The following DACT2 variants were observed in gnomAD, a reference collection of about 807,000 sequenced individuals.
The protein encoded by DACT2 is dapper homolog 2.
DACT2 carries 20 observed loss-of-function variants against 22.2 expected under a neutral mutation model. The ratio of observed to expected loss-of-function variants is 0.90; its 90% CI spans 0.63 to 1.31. The LOEUF (loss-of-function observed/expected upper bound fraction) is 1.31, where lower values mean the gene tolerates loss of function less well. Ranked by LOEUF, DACT2 falls within the 50% of genes most tolerant of loss-of-function variation. The pLI, the probability that DACT2 is intolerant of heterozygous loss-of-function variation, is 0.00. For synonymous variants in DACT2, 463 were observed against 479.8 expected (o/e 0.96, Z 0.46); for missense variants, 1,048 against 1,061.4 (o/e 0.99, Z 0.18).
Position 168,308,554 on chromosome 6 carries a change from G to GGCA in DACT2, c.1202_1203insTGC (p.Gly401_Gly402insAla). The GGCA allele has an allele frequency of 6.5e-7, 1 of 1,549,318 alleles. No homozygotes were observed. ...GCATGTATCCCTGCTGCTGGGGCCC[G>GGCA]CCCCTGCCGGCACCCCTGCTCTGAG... On this transcript the variant is annotated inframe_insertion, in exon 4 of 4. Coordinates refer to ENST00000366795, the MANE Select transcript of DACT2 (RefSeq NM_214462.5).
chr6:168,307,493 G>A lies in DACT2; in HGVS notation c.2264C>T (p.Ala755Val). ...PKLCRIKASK[A>V]LKKKIRRFQP... is the part of the protein sequence containing the mutation. ...GAACCTGCGGATCTTCTTCTTCAGGGCCTTGGAGGCCTTAATACGGCACAG... is the reference window on the plus strand; with the variant it reads ...GAACCTGCGGATCTTCTTCTTCAGGACCTTGGAGGCCTTAATACGGCACAG... The change falls in exon 4 of 4, where the codon GCC becomes GTC. Residue 755 changes from alanine to valine, a missense_variant. Physicochemically the swap from Ala to Val is moderately conservative, Grantham distance 64. Coordinates refer to ENST00000366795, the MANE Select transcript of DACT2 (RefSeq NM_214462.5). The surrounding 1 kb of genome is among the most constrained non-coding windows in gnomAD (Gnocchi z 5.3). The A allele has an allele frequency of 6.4e-7, 1 of 1,551,636 alleles. No individual in the cohort carries two copies.
rs371695165 is a variant in DACT2, at chr6:168,308,020, C to T, written c.1737G>A (p.Pro579=). 1.2e-5 allele frequency: 18 copies of T among 1,549,894 alleles called. No individual in the cohort carries two copies. The highest frequency in any genetic ancestry group is 7.9e-5 in the Admixed American group (4 of 50,880). Residue 579 remains proline (P), a synonymous_variant, in exon 4 of 4, where the codon CCG becomes CCA. Coordinates refer to ENST00000366795, the MANE Select transcript of DACT2 (RefSeq NM_214462.5). ...GGGCTGAGGTCCGGTGGCTCTCCTG[C>T]GGGGCCACTGCCAAGGGGACGAGGA... The part of the protein sequence containing the change: ...MPVLVPLAVA[P]QESHRTSAQA...
rs920985043 is a variant in DACT2 at position 168,319,457 on chromosome 6, G to T, written c.177C>A (p.Cys59Ter). 8.3e-7 allele frequency: 1 copy of T among 1,204,938 alleles called. No homozygotes were observed. Among genetic ancestry groups the T allele is most frequent in the Non-Finnish European group, 1.0e-6 (1 of 971,694 alleles). 74.6% of individuals were successfully genotyped at this position (1,204,938 alleles called of 1,614,324 possible). Reference protein sequence around the residue: ...LQPPPAPAAPCGPHGLHGPEQ... With the variant: ...LQPPPAPAAP ...CGGGGCCGTGGAGGCCGTGGGGGCC[G>T]CAGGGCGCGGCGGGCGCGGGCGGGG... is the stretch of plus-strand genomic sequence containing the variant. The change falls in exon 1 of 4, where the codon TGC (cysteine) becomes TGA (stop). Residue 59 changes from cysteine (C) to a stop codon, truncating the protein, a stop_gained. Transcript: ENST00000366795. LOFTEE classifies it high-confidence loss of function.
rs1214898092 is a variant in DACT2, at chr6:168,294,547, ATG to A, written c.730+84_730+85del. 9.8e-4 allele frequency: 730 copies of A among 747,346 alleles called. 2 individuals carry two copies. Among genetic ancestry groups the A allele is most frequent in the Admixed American group, 3.3e-3 (86 of 26,342 alleles). The allele number at this position is 747,346 out of a possible 1,614,324, so 46.3% of individuals were successfully genotyped here. A position where few individuals can be genotyped will look rare whatever the true frequency, so the allele number is the denominator to read the frequency against. ...CCTAGAACTTAAAGTATAATAAAAT[ATG>A]TGTGTGTGTGTATGTGTGTGTGTGT... On this transcript the variant is annotated intron_variant, in intron 4 of 5. Transcript: ENST00000366796.
At chr6:168,306,221 G>A (rs970651763), downstream of DACT2, among the ~76,000 whole-genome samples, 7 of 152,172 alleles carry the variant, frequency 4.6e-5, no homozygotes, top group Admixed American at 6.5e-5. Flanking sequence ...GGCCCAGGAC[G>A]TCTGCGGGGA....
rs201301805 is a variant in DACT2 at position 168,308,338 on chromosome 6, C to T, written c.1419G>A (p.Pro473=). 4.5e-5 allele frequency: 70 copies of T among 1,551,892 alleles called. No individual in the cohort carries two copies. The highest frequency in any genetic ancestry group is 1.7e-4 in the Middle Eastern group (1 of 6,016). The change falls in exon 4 of 4, where the codon CCG becomes CCA. Residue 473 remains proline (P), a synonymous_variant. Coordinates refer to ENST00000366795, the MANE Select transcript of DACT2 (RefSeq NM_214462.5). ...ATGGGTGGGCAAAGTGCCCAGAGGC[C>T]GGTGAGGGGCTCTTGTCCAGCATCC... ...PSRMLDKSPS[P]ASGHFAHPSF...
In DACT2 at chr6:168,307,733, G is replaced by A; in HGVS notation, c.2024C>T (p.Pro675Leu). The A allele has an allele frequency of 5.8e-6, 9 of 1,549,178 alleles. No individual in the cohort carries two copies. Among genetic ancestry groups the A allele is most frequent in the South Asian group, 1.2e-5 (1 of 84,046 alleles). ...CTCGCTGGTCTCCGGGATGACTGAC[G>A]GGAACCGCGGGTCACACTCGGCCGA... ...KHSAECDPRF[P>L]SVIPETSEGE... The change falls in exon 4 of 4, where the codon CCG becomes CTG. Residue 675 changes from proline (P) to leucine (L), a missense_variant. Pro to Leu is a moderately conservative substitution (Grantham distance 98). Transcript: ENST00000366795. This position sits in a 1 kb window ranked among gnomAD's most constrained non-coding sequence, Gnocchi z 5.3.
At position 168,319,594 on chromosome 6, in the gene DACT2, C is replaced by A; in HGVS notation, c.40G>T (p.Asp14Tyr). 1 of 1,351,998 alleles carries A rather than the reference C, an allele frequency of 7.4e-7. No homozygotes were observed. Among genetic ancestry groups the A allele is most frequent in the Non-Finnish European group, 9.6e-7 (1 of 1,046,114 alleles). The allele number at this position is 1,351,998 out of a possible 1,614,324, so 83.8% of individuals were successfully genotyped here. Residue 14 changes from aspartate (D) to tyrosine (Y), a missense_variant, in exon 1 of 4, where the codon GAC (aspartate) becomes TAC (tyrosine). Physicochemically the swap from Asp to Tyr is radical, Grantham distance 160 (BLOSUM62 -3). Coordinates refer to ENST00000366795, the MANE Select transcript of DACT2 (RefSeq NM_214462.5). ...PGGPPGSAGW[D>Y]RRRLGARLRA... Reference sequence around the variant, plus strand: ...AACCTCGCGCCCAACCTACGGCGGTCCCAGCCCGCGGACCCCGGGGGTCCG... The same window carrying A: ...AACCTCGCGCCCAACCTACGGCGGTACCAGCCCGCGGACCCCGGGGGTCCG...
rs768009869 is a variant in DACT2 at position 168,307,478 on chromosome 6, ATCT to A, written c.2276_2278del (p.Lys759del). ...CAGGGCCGTCGGCTGGAACCTGCGG[ATCT>A]TCTTCTTCAGGGCCTTGGAGGCCTT... On this transcript the variant is annotated inframe_deletion, in exon 4 of 4. Transcript: ENST00000366795. The surrounding 1 kb of genome is among the most constrained non-coding windows in gnomAD (Gnocchi z 5.3). The A allele has an allele frequency of 2.6e-5, 41 of 1,551,402 alleles. No homozygotes were observed. Among genetic ancestry groups the A allele is most frequent in the Non-Finnish European group, 7.0e-6 (8 of 1,146,972 alleles).
rs1402753337 is a variant in DACT2 at position 168,307,680 on chromosome 6, G to A, written c.2077C>T (p.Arg693Ter). The A allele has an allele frequency of 9.0e-6, 14 of 1,549,968 alleles. No homozygotes were observed. The highest frequency in any genetic ancestry group is 1.2e-5 in the Non-Finnish European group (14 of 1,146,466). ...EGESSDHTTNRFGDRESSSSD... is the reference protein window; with the variant it reads ...EGESSDHTTN ...CTGCTGGACTCACGGTCTCCGAATC[G>A]GTTGGTGGTGTGGTCACTGGACTCT... is the stretch of plus-strand genomic sequence containing the variant. The change falls in exon 4 of 4, where the codon CGA (arginine) becomes TGA (stop). Residue 693 changes from arginine (R) to a stop codon, truncating the protein, a stop_gained. Coordinates refer to ENST00000366795, the MANE Select transcript of DACT2 (RefSeq NM_214462.5). LOFTEE classifies it low-confidence loss of function (END_TRUNC). This position sits in a 1 kb window ranked among gnomAD's most constrained non-coding sequence, Gnocchi z 5.3.
intron 1 of DACT2, among the ~76,000 whole-genome samples, chr6:168,311,829 A>G (rs554226682): frequency 2.2e-4 from 34 of 152,348 alleles, no homozygotes; most frequent in African/African-American, 8.2e-4. Flanking sequence ...TCCTTTTGGC[A>G]GACAGGAACT....
chr6:168,303,191 T>C (rs1779141029), downstream of DACT2, among the ~76,000 whole-genome samples: 1 of 152,178 alleles, frequency 6.6e-6, no homozygotes, highest in African/African-American at 2.4e-5. Context: ...AGGCTTTATG[T>C]ATTTAACGTT....
Position 168,309,035 on chromosome 6 carries a change from A to G in DACT2, c.722T>C (p.Leu241Pro). Residue 241 changes from leucine to proline, a missense_variant, in exon 4 of 4, where the codon CTC (leucine) becomes CCC (proline). Coordinates refer to ENST00000366795, the MANE Select transcript of DACT2 (RefSeq NM_214462.5). ...CACCCCCTGGCAGAGGAGCCCGAGGAGCTCGGCGTCCGCGCTGGCTTTCTG... is the reference window on the plus strand; with the variant it reads ...CACCCCCTGGCAGAGGAGCCCGAGGGGCTCGGCGTCCGCGCTGGCTTTCTG... Reference protein sequence around the residue: ...GLQKASADAELLGLLCQGVDI... With the variant: ...GLQKASADAEPLGLLCQGVDI... The G allele has an allele frequency of 5.8e-6, 9 of 1,545,402 alleles. No homozygotes were observed. Among genetic ancestry groups the G allele is most frequent in the Non-Finnish European group, 7.0e-6 (8 of 1,146,484 alleles).
intron 1 of DACT2, among the ~76,000 whole-genome samples, chr6:168,313,042 T>A (rs61409760): frequency 0.016 from 2,444 of 152,272 alleles, 61 homozygotes; most frequent in African/African-American, 0.055. Flanking sequence ...AGTGACAGAA[T>A]CTGAAGCCAT....
intron 1 of DACT2, among the ~76,000 whole-genome samples, chr6:168,312,134 G>T (rs1779436507): frequency 6.6e-6 from 1 of 152,222 alleles, no homozygotes; most frequent in Non-Finnish European, 1.5e-5. Context: ...AAGGTTCTCA[G>T]CAAAACATGG....
At chr6:168,314,555 ATAAGT>A (rs759527775) in intron 1 of DACT2, among the ~76,000 whole-genome samples, 1 of 152,332 alleles carries the variant, frequency 6.6e-6, no homozygotes, top group Non-Finnish European at 1.5e-5. Context: ...GTTAAAAAAA[ATAAGT>A]TAATCCCTTT....
At chr6:168,294,577 G>GTGTGTGTATATATATATATATATATA (rs1177617130) in intron 4 of DACT2, 32 of 124,444 alleles carry the variant, frequency 2.6e-4, no homozygotes, top group Non-Finnish European at 3.4e-4. Flanking sequence ...GTGTGTGTGT[G>GTGTGTGTATATATATATATATATATA]TATATATATA....
At position 168,308,962 on chromosome 6, in the gene DACT2, C is replaced by T; in HGVS notation, c.795G>A (p.Val265=). Residue 265 remains valine, a synonymous_variant, in exon 4 of 4, where the codon GTG becomes GTA. Coordinates refer to ENST00000366795, the MANE Select transcript of DACT2 (RefSeq NM_214462.5). ...VPDPKYRQDL[V]SQGGREVYPY... ...GGTACACCTCCCTGCCGCCCTGGGA[C>T]ACCAGGTCCTGCCGATACTTGGGGT... The T allele has an allele frequency of 1.3e-6, 2 of 1,549,608 alleles. No individual in the cohort carries two copies. Among genetic ancestry groups the T allele is most frequent in the Non-Finnish European group, 1.7e-6 (2 of 1,146,974 alleles).
chr6:168,299,228 G>C (rs541494476), intron 3 of DACT2: 2 of 152,110 alleles, frequency 1.3e-5, no homozygotes, highest in African/African-American at 4.8e-5. Flanking sequence ...CCAGTAGCTG[G>C]TGCAGGTCTC....
Sources: gnomAD v4.1 joint callset for allele counts (sites outside exome capture counted in the v4.1 genomes callset) on GRCh38, gnomAD v4.1.1 for gene constraint, Gnocchi (gnomAD v3.1) non-coding constraint, MANE v1.5 for transcripts, NCBI Gene and HGNC (gene_info 2026-07-23, HGNC 2026-07-21) for gene names.